The following ADAMTSL1 variants were observed in gnomAD, a reference collection of about 807,000 sequenced individuals.
ADAMTSL1 encodes ADAMTS like 1, also known as ADAMTS-like protein 1.
Under a neutral mutation model 201.8 loss-of-function variants are expected in ADAMTSL1, and 126 were observed. The ratio of observed to expected loss-of-function variants is 0.62; its 90% confidence interval spans 0.54 to 0.72. ADAMTSL1 has a LOEUF of 0.72. Among genes scored for constraint, ADAMTSL1 ranks in the 30% least tolerant of loss-of-function variants. ADAMTSL1 has a pLI of 0.00. For synonymous variants in ADAMTSL1, 1,121 were observed against 903.4 expected (o/e 1.24, Z -4.32); for missense variants, 2,679 against 2,277.8 (o/e 1.18, Z -3.59).
intron 7 of ADAMTSL1, among the ~76,000 whole-genome samples, chr9:18,643,710 T>G (rs1827593386): frequency 6.6e-6 from 1 of 152,048 alleles, no homozygotes; most frequent in Admixed American, 6.6e-5. Flanking sequence ...AATTAACATC[T>G]GGGCTGTCTT....
chr9:18,814,959 C>G (rs1200343764), intron 20 of ADAMTSL1, among the ~76,000 whole-genome samples: 1 of 152,140 alleles, frequency 6.6e-6, no homozygotes, highest in African/African-American at 2.4e-5. Flanking sequence ...TGAAAAAATG[C>G]TCAACATCAC....
chr9:18,475,759 TAA>T (rs1220178611), intron 1 of ADAMTSL1, among the ~76,000 whole-genome samples: 5 of 152,146 alleles, frequency 3.3e-5, no homozygotes, highest in Non-Finnish European at 7.4e-5. Flanking sequence ...GTGATTTTTT[TAA>T]GTGTGTGTTA....
At chr9:18,345,526 T>TA (rs1275891384) in intron 2 of ADAMTSL1, among the ~76,000 whole-genome samples, 1 of 152,170 alleles carries the variant, frequency 6.6e-6, no homozygotes, top group Non-Finnish European at 1.5e-5. Flanking sequence ...GATCGAGAAT[T>TA]ACTATATTTT....
At chr9:18,864,940 T>C (rs1370124357) in intron 23 of ADAMTSL1, among the ~76,000 whole-genome samples, 1 of 152,132 alleles carries the variant, frequency 6.6e-6, no homozygotes, top group Non-Finnish European at 1.5e-5. Context: ...GTTAGACCCA[T>C]TCAGAGAGAT....
chr9:18,673,367 A>G (rs552986251), intron 9 of ADAMTSL1, among the ~76,000 whole-genome samples: 1 of 152,366 alleles, frequency 6.6e-6, no homozygotes, highest in African/African-American at 2.4e-5. Flanking sequence ...ACGAATATGT[A>G]TTAGCAGGAC....
intron 26 of ADAMTSL1, among the ~76,000 whole-genome samples, chr9:18,894,028 A>T (rs189493149): frequency 9.2e-5 from 14 of 152,340 alleles, no homozygotes; most frequent in South Asian, 8.3e-4. Context: ...AGCAGCCCAC[A>T]ATATTTGCAG....
At chr9:18,735,638 A>C (rs1818455406) in intron 15 of ADAMTSL1, among the ~76,000 whole-genome samples, 1 of 152,180 alleles carries the variant, frequency 6.6e-6, no homozygotes, top group Non-Finnish European at 1.5e-5. Flanking sequence ...CCACATGTCA[A>C]ACATGGGTTA....
intron 2 of ADAMTSL1, among the ~76,000 whole-genome samples, chr9:18,207,824 G>T (rs79145156): frequency 1.4e-4 from 21 of 152,026 alleles, no homozygotes; most frequent in African/African-American, 5.1e-4. Flanking sequence ...AAGCAAGATA[G>T]GATAAATAAT....
chr9:17,908,705 G>A (rs763288181), intron 1 of ADAMTSL1, among the ~76,000 whole-genome samples: 11 of 152,144 alleles, frequency 7.2e-5, no homozygotes, highest in East Asian at 1.9e-4. Context: ...TGATCCACTC[G>A]CCTCGGCCTT....
Position 18,578,162 on chromosome 9 carries a change from T to A in ADAMTSL1, c.474+3896T>A, listed in dbSNP as rs371071377. 1.9e-4 allele frequency among the ~76,000 whole-genome samples: 29 copies of A among 152,308 alleles called. 1 individual carries two copies. Among genetic ancestry groups the A allele is most frequent in the African/African-American group, 6.5e-4 (27 of 41,564 alleles). On this transcript the variant is annotated intron_variant, in intron 4 of 28. Coordinates refer to ENST00000380548, the MANE Select transcript of ADAMTSL1 (RefSeq NM_001040272.6). ...CTAGAAGGCAGAGAGTGCTGGTGTT[T>A]ATCAACATTTTCTAATTATGCTCCT...
rs146905305 is a variant in ADAMTSL1, at chr9:18,743,470, T to C, written c.2007-9828T>C. Among the ~76,000 whole-genome samples, 772 of 152,256 alleles carry C rather than the reference T, an allele frequency of 5.1e-3. 7 individuals are homozygous for C. The highest frequency in any genetic ancestry group is 0.018 in the African/African-American group (743 of 41,548). On this transcript the variant is annotated intron_variant, in intron 15 of 28. Transcript: ENST00000380548. The stretch of plus-strand genomic sequence containing the variant: ...AGAGTCATATGTAATGTTGGTAACA[T>C]TGATTTTATTTTTTTTAAGTTATTT...
intron 2 of ADAMTSL1, among the ~76,000 whole-genome samples, chr9:18,294,077 T>A (rs1046844050): frequency 6.6e-6 from 1 of 152,172 alleles, no homozygotes; most frequent in African/African-American, 2.4e-5. Context: ...GTGCTGAGGT[T>A]TTCATTATAA....
chr9:18,154,553 C>A (rs1228291478), intron 1 of ADAMTSL1, among the ~76,000 whole-genome samples: 1 of 152,070 alleles, frequency 6.6e-6, no homozygotes, highest in East Asian at 1.9e-4. Context: ...CTGTGCAGTG[C>A]TTTCCTGTCC....
chr9:18,812,891 A>T (rs376375142), intron 20 of ADAMTSL1, among the ~76,000 whole-genome samples: 1 of 151,898 alleles, frequency 6.6e-6, no homozygotes. Context: ...TTTTTATGGC[A>T]ATACCATGCT....
intron 2 of ADAMTSL1, among the ~76,000 whole-genome samples, chr9:18,527,202 G>T (rs1164220507): frequency 1.3e-5 from 2 of 152,192 alleles, no homozygotes; most frequent in African/African-American, 4.8e-5. Flanking sequence ...GTCCGTATTT[G>T]AAAAGCTAGT....
At chr9:18,649,100 T>C (rs982028251) in intron 7 of ADAMTSL1, among the ~76,000 whole-genome samples, 3 of 152,230 alleles carry the variant, frequency 2.0e-5, no homozygotes, top group Admixed American at 6.5e-5. Flanking sequence ...TTTATTCTTT[T>C]TTCTCTAAAC....
chr9:18,482,487 C>G (rs531607212), intron 1 of ADAMTSL1, among the ~76,000 whole-genome samples: 21 of 152,262 alleles, frequency 1.4e-4, no homozygotes, highest in African/African-American at 5.1e-4. Flanking sequence ...GGGACTTTCT[C>G]TAAGTCAATT....
intron 1 of ADAMTSL1, among the ~76,000 whole-genome samples, chr9:17,933,219 A>T (rs3119145): frequency 0.54 from 81,641 of 151,936 alleles, 22,741 homozygotes; most frequent in East Asian, 0.9. Flanking sequence ...GGTAGCTTTC[A>T]GCATTCTTTA....
At chr9:17,916,464 T>G (rs1034279182) in intron 1 of ADAMTSL1, among the ~76,000 whole-genome samples, 5 of 152,198 alleles carry the variant, frequency 3.3e-5, no homozygotes, top group African/African-American at 1.2e-4. Context: ...ACATTTAGTT[T>G]CTTTCATTCT....
Sources: allele counts gnomAD v4.1 joint callset (sites outside exome capture counted in the v4.1 genomes callset), GRCh38; gene constraint gnomAD v4.1.1; transcripts MANE v1.5; gene names NCBI Gene and HGNC (gene_info 2026-07-23, HGNC 2026-07-21).